The following DOCK3 variants were observed in gnomAD, a reference collection of about 807,000 sequenced individuals.
DOCK3 encodes dedicator of cytokinesis protein 3.
A neutral mutation model predicts 265.6 loss-of-function variants in DOCK3; 60 were observed. The observed-to-expected ratio is 0.23, with a 90% confidence interval of 0.18 to 0.28. DOCK3 has a LOEUF of 0.28. DOCK3 is among the 10% of genes least tolerant of loss of function. DOCK3 has a pLI of 1.00. For missense variants in DOCK3, 1,981 were observed against 2,594.3 expected (o/e 0.76, Z 5.14); for synonymous variants, 881 against 938.0 (o/e 0.94, Z 1.11).
rs1198875986 is a variant in DOCK3 at position 50,970,889 on chromosome 3, TTTTATATATATATATA to T, written c.315+36814_315+36829del. Among the ~76,000 whole-genome samples, 141 of 42,918 alleles carry T rather than the reference TTTTATATATATATATA, an allele frequency of 3.3e-3. 11 individuals are homozygous for T. The highest frequency in any genetic ancestry group is 0.012 in the East Asian group (13 of 1,112). 28.2% of individuals were successfully genotyped at this position (42,918 alleles called of 152,430 possible). A position where few individuals can be genotyped will look rare whatever the true frequency, so the allele number is the denominator to read the frequency against. On this transcript the variant is annotated intron_variant, in intron 5 of 52. Coordinates refer to ENST00000266037, the MANE Select transcript of DOCK3 (RefSeq NM_004947.5). ...GCACATACTACCACACTCATCTAAT[TTTTATATATATATATA>T]TATATATATATATATATATATATAT...
intron 4 of DOCK3, chr3:50,900,849 T>C: frequency 2.4e-6 from 1 of 411,694 alleles, no homozygotes; most frequent in Non-Finnish European, 4.8e-6. Context: ...CTCTGGAAGC[T>C]TTGTCCCAGA....
At chr3:50,752,325 A>G (rs1007641218) in intron 1 of DOCK3, among the ~76,000 whole-genome samples, 1 of 152,128 alleles carries the variant, frequency 6.6e-6, no homozygotes, top group East Asian at 1.9e-4. Context: ...CCTGGCCAAC[A>G]TGGTGAAACC....
At chr3:51,039,196 A>G (rs1254645682) in intron 5 of DOCK3, among the ~76,000 whole-genome samples, 2 of 152,000 alleles carry the variant, frequency 1.3e-5, no homozygotes, top group African/African-American at 2.4e-5. Context: ...AGGTTTCACT[A>G]TGTTGGCCAG....
intron 9 of DOCK3, among the ~76,000 whole-genome samples, chr3:51,136,247 T>A (rs2084789207): frequency 6.6e-6 from 1 of 151,438 alleles, no homozygotes; most frequent in Admixed American, 6.6e-5. Context: ...TTTTTTTTTT[T>A]AGATGGAGTC....
rs759058614 is a variant in DOCK3 at position 51,059,493 on chromosome 3, A to ACC, written c.316-4952_316-4951dup. Among the ~76,000 whole-genome samples, 170 of 121,256 alleles carry ACC rather than the reference A, an allele frequency of 1.4e-3. 1 individual carries two copies. Among genetic ancestry groups the ACC allele is most frequent in the African/African-American group, 5.2e-3 (165 of 31,556 alleles). The allele number at this position is 121,256 out of a possible 152,430, so 79.5% of individuals were successfully genotyped here. On this transcript the variant is annotated intron_variant, in intron 5 of 52. Transcript: ENST00000266037. ...CACACACACACACACACACACACAC[A>ACC]CCCCACATCCCACATTACTTTTAAT...
chr3:50,736,442 T>C (rs2038621581), intron 1 of DOCK3, among the ~76,000 whole-genome samples: 1 of 152,204 alleles, frequency 6.6e-6, no homozygotes, highest in Admixed American at 6.5e-5. Context: ...GGTCAAATGG[T>C]GTTTCTAGTT....
chr3:51,081,183 A>T (rs1454100232), intron 7 of DOCK3, among the ~76,000 whole-genome samples: 3 of 152,176 alleles, frequency 2.0e-5, no homozygotes, highest in Non-Finnish European at 4.4e-5. Context: ...AGGGTTAAAT[A>T]TATGTGTTTG....
intron 12 of DOCK3, among the ~76,000 whole-genome samples, chr3:51,176,365 C>A (rs1376813970): frequency 6.6e-6 from 1 of 152,150 alleles, no homozygotes; most frequent in Admixed American, 6.5e-5. Flanking sequence ...GCCTGTAATC[C>A]TAGCACTTTG....
At chr3:50,877,452 T>C (rs754481446) in intron 3 of DOCK3, 2 of 520,110 alleles carry the variant, frequency 3.8e-6, no homozygotes, top group South Asian at 1.4e-5. Context: ...TCACCACTTA[T>C]AAGGCTGAGC....
At position 51,228,722 on chromosome 3, in the gene DOCK3, A is replaced by T. The variant is rs758542046; in HGVS notation, c.1709A>T (p.Glu570Val). The part of the protein sequence containing the change: ...ALYLGLPCCK[E>V]DYNGCPNIPS... ...TACCTGGGCCTGCCCTGCTGCAAAG[A>T]GGACTACAATGGCTGCCCTAATATT... The change falls in exon 18 of 53, where the codon GAG becomes GTG. Residue 570 changes from glutamate (E) to valine (V), a missense_variant. Glu to Val is a moderately radical substitution (Grantham distance 121). This residue lies in a region of DOCK3 where 1,357 missense variants were observed against 1,866.8 expected (regional missense o/e 0.73). Coordinates refer to ENST00000266037, the MANE Select transcript of DOCK3 (RefSeq NM_004947.5). 1 of 1,614,006 alleles carries T rather than the reference A, an allele frequency of 6.2e-7. No individual in the cohort carries two copies. The highest frequency in any genetic ancestry group is 8.5e-7 in the Non-Finnish European group (1 of 1,179,892).
intron 1 of DOCK3, among the ~76,000 whole-genome samples, chr3:50,688,385 A>G (rs1159053095): frequency 2.0e-5 from 3 of 152,296 alleles, no homozygotes; most frequent in South Asian, 4.1e-4. Context: ...GCCACATTTT[A>G]TACAAAGCAC....
chr3:50,721,019 T>C (rs1262840190), intron 1 of DOCK3, among the ~76,000 whole-genome samples: 2 of 152,136 alleles, frequency 1.3e-5, no homozygotes, highest in African/African-American at 4.8e-5. Flanking sequence ...AAAGTGTTCA[T>C]GTTTTTTGCC....
At chr3:51,218,375 A>T (rs773022455) in intron 14 of DOCK3, among the ~76,000 whole-genome samples, 3 of 152,112 alleles carry the variant, frequency 2.0e-5, no homozygotes, top group Non-Finnish European at 2.9e-5. Context: ...TAAAAGTTGC[A>T]GTGAGCCAAG....
chr3:50,773,477 A>G (rs2041406069), intron 1 of DOCK3, among the ~76,000 whole-genome samples: 1 of 152,146 alleles, frequency 6.6e-6, no homozygotes, highest in Non-Finnish European at 1.5e-5. Context: ...CTCAATTTTA[A>G]ACAATGAAGG....
intron 23 of DOCK3, among the ~76,000 whole-genome samples, chr3:51,261,929 T>TCCAACTC (rs1482604235): frequency 6.6e-6 from 1 of 152,096 alleles, no homozygotes; most frequent in Non-Finnish European, 1.5e-5. Flanking sequence ...GGCTTCTAGA[T>TCCAACTC]CCAACTCCCA....
At chr3:51,155,799 A>G (rs944124864) in intron 10 of DOCK3, among the ~76,000 whole-genome samples, 1 of 152,186 alleles carries the variant, frequency 6.6e-6, no homozygotes, top group African/African-American at 2.4e-5. Context: ...ATGCTAAACA[A>G]TGGCTCTATA....
chr3:51,279,262 CAAT>C (rs1343954140), intron 26 of DOCK3, among the ~76,000 whole-genome samples: 1 of 152,018 alleles, frequency 6.6e-6, no homozygotes, highest in African/African-American at 2.4e-5. Flanking sequence ...CAAAAAACAA[CAAT>C]AATAATAATT....
rs1158224046 is a variant in DOCK3 at position 51,360,631 on chromosome 3, A to T, written c.5005A>T (p.Ser1669Cys). The part of the protein sequence containing the change: ...PESIKMTHRH[S>C]PMNLMGTGRH... The stretch of plus-strand genomic sequence containing the variant: ...GAGCATCAAGATGACCCACCGGCAC[A>T]GGTATGGCCTTAGGGCTGGGGAGGG... Residue 1669 changes from serine to cysteine, a missense_variant and splice_region_variant, in exon 47 of 53, where the codon AGC becomes TGC. By Grantham distance (112) the Ser-to-Cys change is moderately radical. Around this residue, in one of 4 missense-constraint regions of DOCK3, gnomAD observed 1,357 missense variants for 1,866.8 expected, o/e 0.73. Coordinates refer to ENST00000266037, the MANE Select transcript of DOCK3 (RefSeq NM_004947.5). 6.2e-7 allele frequency: 1 copy of T among 1,613,696 alleles called. No homozygotes were observed. The highest frequency in any genetic ancestry group is 8.5e-7 in the Non-Finnish European group (1 of 1,179,836).
intron 27 of DOCK3, among the ~76,000 whole-genome samples, chr3:51,290,028 G>A (rs2081642756): frequency 6.6e-6 from 1 of 152,102 alleles, no homozygotes; most frequent in African/African-American, 2.4e-5. Flanking sequence ...TAAAAAGTCA[G>A]GAAACAACAG....
Sources: allele counts gnomAD v4.1 joint callset (sites outside exome capture counted in the v4.1 genomes callset), GRCh38; gene constraint gnomAD v4.1.1; regional missense constraint gnomAD v4.1.1; transcripts MANE v1.5; gene names NCBI Gene and HGNC (gene_info 2026-07-23, HGNC 2026-07-21).